Variants in R3HDM2 observed in about 807,000 individuals in gnomAD.
The protein encoded by R3HDM2 is R3H domain containing 2.
R3HDM2 carries 38 observed loss-of-function variants against 124.5 expected under a neutral mutation model. The observed-to-expected ratio is 0.31, with a 90% CI of 0.24 to 0.40. The LOEUF (loss-of-function observed/expected upper bound fraction) is 0.40, where lower values mean the gene tolerates loss of function less well. R3HDM2 is among the 10% of genes least tolerant of loss of function. The probability of loss-of-function intolerance (pLI) is 1.00; values close to 1 mark genes in which losing one functional copy is unlikely to be tolerated. For missense variants in R3HDM2, 869 were observed against 1,236.9 expected, an observed-to-expected ratio of 0.70 and a Z score of 4.46; for synonymous variants, 391 against 448.0, an observed-to-expected ratio of 0.87 and a Z score of 1.61.
chr12:57,372,028 G>A (rs76522560), intron 2 of R3HDM2, among the ~76,000 whole-genome samples: 8,372 of 152,124 alleles, frequency 0.055, 315 homozygotes, highest in East Asian at 0.2. Context: ...CCAACACACC[G>A]GGCTAATTTT....
chr12:57,416,097 G>T (rs1161731927), intron 1 of R3HDM2, among the ~76,000 whole-genome samples: 3 of 152,142 alleles, frequency 2.0e-5, no homozygotes, highest in Non-Finnish European at 4.4e-5. Flanking sequence ...AAACACCACT[G>T]TTCTCAGGTG....
chr12:57,339,182 A>C (rs2059241499), intron 2 of R3HDM2, among the ~76,000 whole-genome samples: 1 of 151,930 alleles, frequency 6.6e-6, no homozygotes, highest in South Asian at 2.1e-4. Flanking sequence ...GTTTTAGTAG[A>C]GACTGGGTTT....
chr12:57,428,035 G>A (rs1257226732), intron 1 of R3HDM2, among the ~76,000 whole-genome samples: 1 of 151,792 alleles, frequency 6.6e-6, no homozygotes, highest in East Asian at 1.9e-4. Flanking sequence ...CAGGAGAATC[G>A]CTTGAACCCA....
At chr12:57,345,977 C>A (rs1028913188) in intron 2 of R3HDM2, among the ~76,000 whole-genome samples, 3 of 151,888 alleles carry the variant, frequency 2.0e-5, no homozygotes, top group Non-Finnish European at 4.4e-5. Flanking sequence ...CTGGCCAACA[C>A]GGTGAAACCC....
chr12:57,363,034 G>A (rs1432770065), intron 2 of R3HDM2, among the ~76,000 whole-genome samples: 1 of 152,112 alleles, frequency 6.6e-6, no homozygotes, highest in African/African-American at 2.4e-5. Context: ...TGTTGGCCAG[G>A]CTGGTCTCAA....
At chr12:57,356,693 G>C (rs945934277) in intron 2 of R3HDM2, among the ~76,000 whole-genome samples, 11 of 152,172 alleles carry the variant, frequency 7.2e-5, no homozygotes, top group Non-Finnish European at 1.0e-4. Context: ...AAAGCCATTT[G>C]ACCCTGTGGG....
Position 57,254,547 on chromosome 12 carries a change from A to T in R3HDM2, c.*226T>A. ...AAAGAAGAGGATGGGAAGAAGAGTG[A>T]TGCAAGGGGGGTCAACCAGGGAAAA... On this transcript the variant is annotated 3_prime_UTR_variant, in exon 24 of 24. Coordinates refer to ENST00000402412, the MANE Select transcript of R3HDM2 (RefSeq NM_001394031.1). The T allele has an allele frequency of 3.3e-5, 15 of 450,214 alleles. No individual in the cohort carries two copies. Among genetic ancestry groups the T allele is most frequent in the East Asian group, 1.3e-4 (3 of 22,812 alleles). 27.9% of individuals were successfully genotyped at this position (450,214 alleles called of 1,614,324 possible). A position where few individuals can be genotyped will look rare whatever the true frequency, so the allele number is the denominator to read the frequency against.
chr12:57,280,242 G>T, intron 14 of R3HDM2, 116 bp downstream of exon 14: 1 of 1,071,068 alleles, frequency 9.3e-7, no homozygotes, highest in Non-Finnish European at 1.3e-6. Context: ...GGGAGAGAGT[G>T]GCATGTCTCC....
In R3HDM2 at chr12:57,365,771, AT is replaced by A. The variant is rs1326088090; in HGVS notation, c.-36+29977del. 2.6e-5 allele frequency among the ~76,000 whole-genome samples: 4 copies of A among 152,086 alleles called. No homozygotes were observed. The East Asian group carries it at 7.7e-4, about 29-fold the overall frequency. On this transcript the variant is annotated intron_variant, in intron 2 of 23. Transcript: ENST00000402412. ...GCCAACATGGTGAAACCCCGTCTCTATTAAAAATACAAAAATTAGCTGGGCG... is the reference window on the plus strand; with the variant it reads ...GCCAACATGGTGAAACCCCGTCTCTATAAAAATACAAAAATTAGCTGGGCG...
chr12:57,374,266 C>G (rs940173565), intron 2 of R3HDM2, among the ~76,000 whole-genome samples: 1 of 151,938 alleles, frequency 6.6e-6, no homozygotes, highest in Non-Finnish European at 1.5e-5. Flanking sequence ...TTACAGGGAC[C>G]CGTGATCGTG....
At chr12:57,386,506 G>A (rs534381274) in intron 2 of R3HDM2, among the ~76,000 whole-genome samples, 5 of 152,234 alleles carry the variant, frequency 3.3e-5, no homozygotes, top group East Asian at 3.9e-4. Flanking sequence ...GCCTCCCCTC[G>A]GGGCAGGGCT....
Position 57,269,152 on chromosome 12 carries a change from C to A in R3HDM2, c.1715-70G>T, listed in dbSNP as rs373284126. 1.9e-5 allele frequency: 30 copies of A among 1,578,650 alleles called. No individual in the cohort carries two copies. The African/African-American group carries it at 3.4e-4, about 18-fold the overall frequency. ...GAGGTCACACTCTATCTGTAATTTC[C>A]TTCTCCATTCTATTTTATCTTTCTT... On this transcript the variant is annotated intron_variant, in intron 16 of 23. Coordinates refer to ENST00000402412, the MANE Select transcript of R3HDM2 (RefSeq NM_001394031.1).
At chr12:57,287,071 G>C (rs1018436719) in intron 12 of R3HDM2, among the ~76,000 whole-genome samples, 1 of 152,218 alleles carries the variant, frequency 6.6e-6, no homozygotes, top group East Asian at 1.9e-4. Context: ...CATCTGTAGA[G>C]AGCTGGTGTG....
chr12:57,424,114 CA>C (rs35579430), intron 1 of R3HDM2, among the ~76,000 whole-genome samples: 21,730 of 62,916 alleles, frequency 0.35, 1,051 homozygotes, highest in South Asian at 0.45. Flanking sequence ...AACTCTGTCT[CA>C]AAAAAAAAAA....
intron 1 of R3HDM2, among the ~76,000 whole-genome samples, chr12:57,421,447 GCTC>G (rs1594652357): frequency 7.7e-6 from 1 of 129,510 alleles, no homozygotes; most frequent in South Asian, 2.7e-4. Flanking sequence ...ACCACACCCA[GCTC>G]TTTTTTTTTT....
chr12:57,311,113 T>A (rs1410804793), intron 2 of R3HDM2, among the ~76,000 whole-genome samples: 1 of 152,026 alleles, frequency 6.6e-6, no homozygotes, highest in African/African-American at 2.4e-5. Context: ...AAGGAAGAAC[T>A]TTCACAGCTA....
At chr12:57,388,677 G>A (rs1035353590) in intron 2 of R3HDM2, among the ~76,000 whole-genome samples, 5 of 152,146 alleles carry the variant, frequency 3.3e-5, no homozygotes, top group African/African-American at 9.7e-5. Flanking sequence ...CCTGGACCAC[G>A]AAGGCAGTTA....
intron 2 of R3HDM2, among the ~76,000 whole-genome samples, chr12:57,365,240 G>T (rs1237536764): frequency 6.6e-6 from 1 of 151,422 alleles, no homozygotes; most frequent in South Asian, 2.1e-4. Context: ...CTCCAGCCTG[G>T]GTGACAGAGT....
At chr12:57,408,884 C>G (rs1303515609) in intron 1 of R3HDM2, among the ~76,000 whole-genome samples, 4 of 149,306 alleles carry the variant, frequency 2.7e-5, no homozygotes, top group South Asian at 4.3e-4. Context: ...AAGATGATTA[C>G]TGAAATGAAT....
Sources: gnomAD v4.1 joint callset for allele counts (sites outside exome capture counted in the v4.1 genomes callset) on GRCh38, gnomAD v4.1.1 for gene constraint, MANE v1.5 for transcripts, NCBI Gene and HGNC (gene_info 2026-07-23, HGNC 2026-07-21) for gene names.